NRG1: variants seen among roughly 807,000 people sequenced by gnomAD.
NRG1 encodes the protein pro-neuregulin-1, membrane-bound isoform.
In NRG1, 18 loss-of-function variants were observed where a neutral mutation model predicts 63.8. The ratio of observed to expected loss-of-function variants is 0.28; its 90% CI spans 0.19 to 0.42. NRG1 has a LOEUF of 0.42. NRG1 is among the 10% of genes least tolerant of loss of function. The pLI, the probability that NRG1 is intolerant of heterozygous loss-of-function variation, is 1.00. For missense variants in NRG1, 762 were observed against 814.7 expected, an observed-to-expected ratio of 0.94 and a Z score of 0.79; for synonymous variants, 302 against 301.3, an observed-to-expected ratio of 1.00 and a Z score of -0.02.
chr8:32,688,568 A>AACCCC (rs1252677093), intron 5 of NRG1, among the ~76,000 whole-genome samples: 42 of 152,230 alleles, frequency 2.8e-4, no homozygotes, highest in African/African-American at 1.0e-3. Flanking sequence ...CCAGCCCCTC[A>AACCCC]TGCAGTACGT....
chr8:32,529,319 T>G (rs1831203740), intron 1 of NRG1, among the ~76,000 whole-genome samples: 2 of 152,234 alleles, frequency 1.3e-5, no homozygotes, highest in South Asian at 4.1e-4. Context: ...TGGAAGTTGC[T>G]CTGGGTGTCA....
At chr8:32,442,933 C>CTTT (rs34691635) in intron 1 of NRG1, among the ~76,000 whole-genome samples, 1 of 146,688 alleles carries the variant, frequency 6.8e-6, no homozygotes, top group Admixed American at 6.8e-5. Context: ...GAAAGTATGT[C>CTTT]TTTTTTTTTT....
chr8:32,386,200 C>T (rs1441462376), intron 1 of NRG1, among the ~76,000 whole-genome samples: 1 of 152,216 alleles, frequency 6.6e-6, no homozygotes, highest in Non-Finnish European at 1.5e-5. Context: ...CTACTGGCCT[C>T]AAGCAATCCT....
intron 1 of NRG1, among the ~76,000 whole-genome samples, chr8:32,489,133 C>T (rs925674199): frequency 2.0e-5 from 3 of 152,178 alleles, no homozygotes; most frequent in African/African-American, 7.2e-5. Flanking sequence ...CACTTCACAT[C>T]CCTTTTCCCT....
intron 1 of NRG1, among the ~76,000 whole-genome samples, chr8:32,015,687 CA>C (rs371280682): frequency 6.6e-6 from 1 of 152,060 alleles, no homozygotes; most frequent in African/African-American, 2.4e-5. Context: ...ATAAGCATCA[CA>C]AAAAATTACA....
chr8:31,656,161 A>T (rs1467616658), intron 1 of NRG1, among the ~76,000 whole-genome samples: 1 of 152,136 alleles, frequency 6.6e-6, no homozygotes, highest in Non-Finnish European at 1.5e-5. Flanking sequence ...AAGTGAAGAG[A>T]AAAGGAAGCA....
At chr8:32,211,725 A>G (rs1315459969) in intron 1 of NRG1, among the ~76,000 whole-genome samples, 1 of 152,058 alleles carries the variant, frequency 6.6e-6, no homozygotes, top group East Asian at 1.9e-4. Flanking sequence ...CCTCTACTCT[A>G]TTACTGCCTT....
At chr8:32,335,314 G>A (rs541285273) in intron 1 of NRG1, among the ~76,000 whole-genome samples, 1 of 152,276 alleles carries the variant, frequency 6.6e-6, no homozygotes, top group Non-Finnish European at 1.5e-5. Flanking sequence ...TTATAATTCA[G>A]TGTGGGTGAG....
At chr8:31,962,623 A>T (rs901370435) in intron 1 of NRG1, among the ~76,000 whole-genome samples, 2 of 152,154 alleles carry the variant, frequency 1.3e-5, no homozygotes, top group African/African-American at 4.8e-5. Context: ...GCTGTCATTT[A>T]ATGTCCAAAT....
intron 1 of NRG1, among the ~76,000 whole-genome samples, chr8:32,230,806 TATA>T (rs1846848350): frequency 7.2e-6 from 1 of 139,412 alleles, no homozygotes; most frequent in Non-Finnish European, 1.6e-5. Flanking sequence ...ACATACAATG[TATA>T]ATAATCTTAT....
At chr8:32,422,326 C>T (rs1055570697) in intron 1 of NRG1, among the ~76,000 whole-genome samples, 15 of 152,116 alleles carry the variant, frequency 9.9e-5, no homozygotes, top group Admixed American at 9.8e-4. Flanking sequence ...CCTTTTCTAA[C>T]ATACTCCTCA....
intron 5 of NRG1, among the ~76,000 whole-genome samples, chr8:32,714,263 C>G (rs150171844): frequency 6.6e-6 from 1 of 152,132 alleles, no homozygotes; most frequent in East Asian, 1.9e-4. Flanking sequence ...TTCTTGAAAA[C>G]AAACATACAA....
chr8:31,777,621 G>T (rs557603101), intron 1 of NRG1, among the ~76,000 whole-genome samples: 1 of 152,332 alleles, frequency 6.6e-6, no homozygotes, highest in East Asian at 1.9e-4. Context: ...AAGAAAAGAG[G>T]TTTATTTGGC....
intron 1 of NRG1, among the ~76,000 whole-genome samples, chr8:31,984,082 A>G (rs1809622557): frequency 1.3e-5 from 2 of 152,082 alleles, no homozygotes; most frequent in Admixed American, 6.6e-5. Context: ...CCATGTGTCT[A>G]ATATCTTACA....
At chr8:31,859,108 A>G (rs1828230566) in intron 1 of NRG1, among the ~76,000 whole-genome samples, 1 of 152,186 alleles carries the variant, frequency 6.6e-6, no homozygotes, top group South Asian at 2.1e-4. Context: ...CCTAGTTATA[A>G]AATGATTTAA....
At chr8:32,312,872 A>C (rs2129476061) in intron 1 of NRG1, among the ~76,000 whole-genome samples, 1 of 151,728 alleles carries the variant, frequency 6.6e-6, no homozygotes, top group East Asian at 2.0e-4. Context: ...AAATATATTT[A>C]GCTGGGCATA....
chr8:32,381,689 G>A (rs763285795), intron 1 of NRG1, among the ~76,000 whole-genome samples: 4 of 151,940 alleles, frequency 2.6e-5, no homozygotes, highest in Non-Finnish European at 5.9e-5. Context: ...AGAATGACAT[G>A]GCTCACAATT....
intron 1 of NRG1, among the ~76,000 whole-genome samples, chr8:31,663,218 A>G (rs951842748): frequency 2.6e-4 from 40 of 152,234 alleles, no homozygotes; most frequent in African/African-American, 9.4e-4. Flanking sequence ...AGGAAACCTC[A>G]TTTAGCTTTT....
At chr8:32,109,674 T>G (rs1831746649) in intron 1 of NRG1, among the ~76,000 whole-genome samples, 1 of 152,116 alleles carries the variant, frequency 6.6e-6, no homozygotes, top group Admixed American at 6.6e-5. Context: ...ATAGATTCCC[T>G]GAAGCTTTCT....
Sources: gnomAD v4.1 joint callset for allele counts (sites outside exome capture counted in the v4.1 genomes callset) on GRCh38, gnomAD v4.1.1 for gene constraint, MANE v1.5 for transcripts, NCBI Gene and HGNC (gene_info 2026-07-23, HGNC 2026-07-21) for gene names.